The following STXBP4 variants were observed in gnomAD, a reference collection of about 807,000 sequenced individuals.
STXBP4 encodes the protein syntaxin-binding protein 4.
A neutral mutation model predicts 76.1 loss-of-function variants in STXBP4; 55 were observed. The observed-to-expected ratio is 0.72, with a 90% confidence interval of 0.58 to 0.91. The LOEUF (loss-of-function observed/expected upper bound fraction) is 0.91. Ranked by LOEUF, STXBP4 falls within the 40% of genes least tolerant of loss-of-function variation. The pLI is 0.00. For synonymous variants in STXBP4, 201 were observed against 220.2 expected (o/e 0.91, Z 0.77); for missense variants, 618 against 636.9 (o/e 0.97, Z 0.32).
chr17:55,182,130 A>G, the STXBP4 span, among the ~76,000 whole-genome samples: 1 of 149,110 alleles, frequency 6.7e-6, no homozygotes, highest in East Asian at 1.9e-4. Flanking sequence ...TGGTAAAAAG[A>G]AACCAAGCAC....
chr17:55,093,391 T>C (rs2079443432), intron 16 of STXBP4, among the ~76,000 whole-genome samples: 1 of 152,208 alleles, frequency 6.6e-6, no homozygotes, highest in Non-Finnish European at 1.5e-5. Context: ...TTTCTTCTCC[T>C]AGAATTGGGG....
chr17:55,043,877 C>T (rs2078745393), intron 11 of STXBP4: 3 of 485,442 alleles, frequency 6.2e-6, no homozygotes, highest in South Asian at 6.0e-5. Context: ...GAGACAGGGT[C>T]GCACTCTGTC....
At chr17:55,125,817 T>G (rs182296933) in intron 16 of STXBP4, among the ~76,000 whole-genome samples, 2 of 152,148 alleles carry the variant, frequency 1.3e-5, no homozygotes, top group African/African-American at 2.4e-5. Flanking sequence ...GTAAAACTGA[T>G]AACTTGCAGT....
chr17:55,198,997 A>G, the STXBP4 span, among the ~76,000 whole-genome samples: 2 of 152,224 alleles, frequency 1.3e-5, no homozygotes, highest in Non-Finnish European at 2.9e-5. Flanking sequence ...TGGGTTGGCC[A>G]TTTACAATTA....
In STXBP4 at chr17:55,141,386, AC is replaced by A. The variant is rs780279087; in HGVS notation, c.1547+21del. On this transcript the variant is annotated intron_variant, in intron 17 of 17. Transcript: ENST00000376352. ...TCATCAAGTAAGTACAAGCATCTCA[AC>A]CAAGTAAGCAATTTTCTTCACATCT... 5.9e-5 allele frequency: 95 copies of A among 1,602,938 alleles called. No homozygotes were observed. The highest frequency in any genetic ancestry group is 7.8e-5 in the Non-Finnish European group (92 of 1,174,876).
chr17:55,074,979 TA>T (rs1353740019), intron 13 of STXBP4, among the ~76,000 whole-genome samples: 10 of 152,090 alleles, frequency 6.6e-5, no homozygotes, highest in Admixed American at 5.9e-4. Flanking sequence ...ATTTGTAAGA[TA>T]ACAGATTCTT....
intron 1 of STXBP4, among the ~76,000 whole-genome samples, chr17:54,973,398 C>T (rs1185738746): frequency 6.6e-6 from 1 of 152,110 alleles, no homozygotes; most frequent in African/African-American, 2.4e-5. Flanking sequence ...TCATCATTAA[C>T]GTGGTTAGAT....
intron 16 of STXBP4, among the ~76,000 whole-genome samples, chr17:55,115,245 T>C (rs1330264912): frequency 6.6e-6 from 1 of 151,834 alleles, no homozygotes; most frequent in Non-Finnish European, 1.5e-5. Flanking sequence ...CTCCAAAGAC[T>C]TCCTTAGGAA....
In STXBP4 at chr17:55,097,795, C is replaced by T. The variant is rs145564633; in HGVS notation, c.1489+16612C>T. Reference sequence around the variant, plus strand: ...GAAGCAGAGTAGTGAAAAGATCATACGCTATAAGGTTCCAATGCCAACTCT... The same window carrying T: ...GAAGCAGAGTAGTGAAAAGATCATATGCTATAAGGTTCCAATGCCAACTCT... On this transcript the variant is annotated intron_variant, in intron 16 of 17. Transcript: ENST00000376352. Among the ~76,000 whole-genome samples, 60 of 152,160 alleles carry T rather than the reference C, an allele frequency of 3.9e-4. No homozygotes were observed. In the East Asian group the frequency reaches 7.7e-3, roughly 20 times the overall value.
chr17:55,083,258 G>A (rs911307493), intron 16 of STXBP4, among the ~76,000 whole-genome samples: 2 of 152,050 alleles, frequency 1.3e-5, no homozygotes, highest in African/African-American at 4.8e-5. Context: ...TTAAAGCCAT[G>A]AGCCACCACA....
At chr17:55,185,549 C>A in the STXBP4 span, among the ~76,000 whole-genome samples, 1 of 152,000 alleles carries the variant, frequency 6.6e-6, no homozygotes, top group East Asian at 1.9e-4. Flanking sequence ...TATATGAGGT[C>A]TTTATATTAT....
Position 55,141,372 on chromosome 17 carries a change from G to GT in STXBP4, c.1547+6dup, listed in dbSNP as rs1408864998. 9 of 1,609,450 alleles carry GT rather than the reference G, an allele frequency of 5.6e-6. No homozygotes were observed. The Admixed American group carries it at 1.5e-4, about 27-fold the overall frequency. ...TGGAATCAAGTACTTCATCAAGTAAGTACAAGCATCTCAACCAAGTAAGCA... is the reference window on the plus strand; with the variant it reads ...TGGAATCAAGTACTTCATCAAGTAAGTTACAAGCATCTCAACCAAGTAAGCA... On this transcript the variant is annotated splice_donor_region_variant and intron_variant, in intron 17 of 17. Transcript: ENST00000376352.
At chr17:55,206,710 A>T in the STXBP4 span, among the ~76,000 whole-genome samples, 1 of 152,034 alleles carries the variant, frequency 6.6e-6, no homozygotes. Context: ...TACAAAATTT[A>T]GCCAGGTGTG....
intron 14 of STXBP4, 28 bp downstream of exon 14, chr17:55,078,222 T>C (rs753708039): frequency 6.9e-7 from 1 of 1,459,192 alleles, no homozygotes; most frequent in Non-Finnish European, 9.5e-7. Context: ...ATTACATTCA[T>C]CTTTAAAAAA....
chr17:55,082,104 G>A (rs1259762182), intron 16 of STXBP4, among the ~76,000 whole-genome samples: 1 of 152,128 alleles, frequency 6.6e-6, no homozygotes, highest in Non-Finnish European at 1.5e-5. Flanking sequence ...AGAAATAAGA[G>A]GGAGGTGATT....
intron 16 of STXBP4, among the ~76,000 whole-genome samples, chr17:55,112,153 T>G (rs2079728006): frequency 6.6e-6 from 1 of 152,006 alleles, no homozygotes; most frequent in Non-Finnish European, 1.5e-5. Flanking sequence ...CTCCTGGCCT[T>G]AAGTGATCCT....
the STXBP4 span, among the ~76,000 whole-genome samples, chr17:55,199,659 T>TATA: frequency 6.6e-6 from 1 of 152,232 alleles, no homozygotes; most frequent in Non-Finnish European, 1.5e-5. Flanking sequence ...ACTTATATGT[T>TATA]CAAGTATGTT....
At chr17:55,125,987 G>A (rs537102034) in intron 16 of STXBP4, among the ~76,000 whole-genome samples, 3 of 152,200 alleles carry the variant, frequency 2.0e-5, no homozygotes, top group African/African-American at 7.2e-5. Context: ...AATATAGGGC[G>A]CATTGCAAAC....
chr17:55,072,789 G>A (rs576783066), intron 12 of STXBP4, 111 bp from the exon 13 acceptor site: 266 of 759,488 alleles, frequency 3.5e-4, no homozygotes, highest in Admixed American at 1.4e-3. Context: ...AATAATATAT[G>A]TATATTGACT....
Sources: allele counts gnomAD v4.1 joint callset (sites outside exome capture counted in the v4.1 genomes callset), GRCh38; gene constraint gnomAD v4.1.1; transcripts MANE v1.5; gene names NCBI Gene and HGNC (gene_info 2026-07-23, HGNC 2026-07-21).